FOXO1: variants seen among roughly 807,000 people sequenced by gnomAD.
FOXO1 encodes forkhead box protein O1.
A neutral mutation model predicts 44.1 loss-of-function variants in FOXO1; 6 were observed. The observed-to-expected ratio is 0.14, with a 90% CI of 0.07 to 0.27. FOXO1 has a LOEUF of 0.27. FOXO1 is among the 10% of genes least tolerant of loss of function. The pLI is 1.00. For missense variants in FOXO1, 737 were observed against 888.8 expected, an observed-to-expected ratio of 0.83 and a Z score of 2.17; for synonymous variants, 380 against 362.7, an observed-to-expected ratio of 1.05 and a Z score of -0.54.
chr13:40,642,981 G>A (rs1877398558), intron 1 of FOXO1, among the ~76,000 whole-genome samples: 2 of 152,174 alleles, frequency 1.3e-5, no homozygotes, highest in Non-Finnish European at 2.9e-5. Context: ...AGGAGAGCCT[G>A]AAAACCACAA....
At chr13:40,644,116 T>A (rs1005160373) in intron 1 of FOXO1, among the ~76,000 whole-genome samples, 1 of 152,232 alleles carries the variant, frequency 6.6e-6, no homozygotes, top group Non-Finnish European at 1.5e-5. Context: ...ACTGTAGTGA[T>A]CTAAAGACAT....
At chr13:40,604,500 T>C (rs984470671) in intron 1 of FOXO1, among the ~76,000 whole-genome samples, 1 of 152,160 alleles carries the variant, frequency 6.6e-6, no homozygotes, top group Non-Finnish European at 1.5e-5. Context: ...TGGATTCATA[T>C]GCATTCAGCC....
At chr13:40,628,790 C>T (rs1378514072) in intron 1 of FOXO1, among the ~76,000 whole-genome samples, 1 of 152,184 alleles carries the variant, frequency 6.6e-6, no homozygotes, top group Admixed American at 6.5e-5. Context: ...CATCCAAAGC[C>T]CTGCAGGCTC....
intron 1 of FOXO1, among the ~76,000 whole-genome samples, chr13:40,580,941 C>T (rs1428958790): frequency 6.6e-6 from 1 of 152,204 alleles, no homozygotes; most frequent in Non-Finnish European, 1.5e-5. Context: ...TAGCCTTCGC[C>T]TACACACTTA....
At chr13:40,565,689 T>C (rs1448325364) in intron 1 of FOXO1, among the ~76,000 whole-genome samples, 3 of 152,206 alleles carry the variant, frequency 2.0e-5, no homozygotes, top group African/African-American at 7.2e-5. Context: ...TAGTATTTCC[T>C]ACATTTACAA....
intron 2 of FOXO1, 90 bp downstream of exon 2, chr13:40,559,419 T>A: frequency 8.4e-7 from 1 of 1,190,766 alleles, no homozygotes; most frequent in Non-Finnish European, 1.2e-6. Flanking sequence ...TCAGTTGACA[T>A]CAAAGATGTG....
At position 40,559,891 on chromosome 13, in the gene FOXO1, C is replaced by T; in HGVS notation, c.1600G>A (p.Val534Ile). ...GTGTGGGGCAGGGGACGCCCGTTAA[C>T]TGCAGATGTCTGCTGAGCATGTCCA... ...HPGHAQQTSA[V>I]NGRPLPHTVS... is the part of the protein sequence containing the mutation. The change falls in exon 2 of 3, where the codon GTT becomes ATT. Residue 534 changes from valine to isoleucine, a missense_variant. Physicochemically the swap from Val to Ile is conservative, Grantham distance 29. Coordinates refer to ENST00000379561, the MANE Select transcript of FOXO1 (RefSeq NM_002015.4). The T allele has an allele frequency of 6.2e-7, 1 of 1,614,210 alleles. No homozygotes were observed. Among genetic ancestry groups the T allele is most frequent in the Non-Finnish European group, 8.5e-7 (1 of 1,180,044 alleles).
intron 1 of FOXO1, among the ~76,000 whole-genome samples, chr13:40,654,322 T>TAAAAAAAAAAAAAA (rs11344939): frequency 1.5e-4 from 7 of 48,194 alleles, no homozygotes; most frequent in African/African-American, 4.0e-4. Context: ...CTAAAAATAC[T>TAAAAAAAAAAAAAA]AAAAAAAAAA....
Position 40,560,226 on chromosome 13 carries a change from T to C in FOXO1, c.1265A>G (p.Gln422Arg), listed in dbSNP as rs1177296849. ...TSLNSPSPNY[Q>R]KYTYGQSSMS... ...GCTGGATTGGCCATATGTATATTTT[T>C]GGTAGTTTGGGCTGGGTGAATTCAA... Residue 422 changes from glutamine to arginine, a missense_variant, in exon 2 of 3, where the codon CAA becomes CGA. Around this residue, in one of 7 missense-constraint regions of FOXO1, gnomAD observed 283 missense variants for 278.1 expected, o/e 1.02. Coordinates refer to ENST00000379561, the MANE Select transcript of FOXO1 (RefSeq NM_002015.4). This position sits in a 1 kb window ranked among gnomAD's most constrained non-coding sequence, Gnocchi z 5.1. 1 of 1,614,066 alleles carries C rather than the reference T, an allele frequency of 6.2e-7. No homozygotes were observed.
chr13:40,594,808 TC>T (rs1875516554), intron 1 of FOXO1, among the ~76,000 whole-genome samples: 1 of 152,126 alleles, frequency 6.6e-6, no homozygotes, highest in African/African-American at 2.4e-5. Context: ...TGCCTCAGCC[TC>T]CCAAGTAGCT....
intron 1 of FOXO1, among the ~76,000 whole-genome samples, chr13:40,578,077 T>C (rs576322418): frequency 2.4e-4 from 36 of 152,142 alleles, no homozygotes; most frequent in African/African-American, 8.0e-4. Context: ...CTTCCCTCAA[T>C]TGCCATCTAG....
intron 1 of FOXO1, among the ~76,000 whole-genome samples, chr13:40,567,748 T>C (rs1297751197): frequency 6.6e-6 from 1 of 152,022 alleles, no homozygotes; most frequent in Admixed American, 6.6e-5. Context: ...GGAGGGCAGA[T>C]CACAAGATCA....
intron 1 of FOXO1, among the ~76,000 whole-genome samples, chr13:40,618,170 C>T (rs961890114): frequency 6.6e-6 from 1 of 152,188 alleles, no homozygotes; most frequent in African/African-American, 2.4e-5. Flanking sequence ...CCCCGCCTCC[C>T]AGGCTCAAGT....
chr13:40,580,557 A>G (rs1202554869), intron 1 of FOXO1, among the ~76,000 whole-genome samples: 1 of 152,164 alleles, frequency 6.6e-6, no homozygotes, highest in African/African-American at 2.4e-5. Flanking sequence ...GCATTTTTGT[A>G]AGGACTAAAA....
At chr13:40,584,326 T>A (rs1464214115) in intron 1 of FOXO1, among the ~76,000 whole-genome samples, 1 of 151,662 alleles carries the variant, frequency 6.6e-6, no homozygotes, top group Admixed American at 6.6e-5. Context: ...GTACCTGAAA[T>A]GTAAATATTA....
At chr13:40,605,727 C>T (rs1875971700) in intron 1 of FOXO1, among the ~76,000 whole-genome samples, 1 of 152,194 alleles carries the variant, frequency 6.6e-6, no homozygotes, top group Admixed American at 6.5e-5. Context: ...CAAGGTACTC[C>T]CTTTTCCACC....
chr13:40,659,286 G>T (rs1877957542), intron 1 of FOXO1, among the ~76,000 whole-genome samples: 1 of 143,268 alleles, frequency 7.0e-6, no homozygotes, highest in Non-Finnish European at 1.5e-5. Context: ...CTGCACTCCA[G>T]CCTGGGTGAC....
In FOXO1 at chr13:40,628,532, G is replaced by A. The variant is rs78601796; in HGVS notation, c.630+37051C>T. 9.9e-4 allele frequency among the ~76,000 whole-genome samples: 151 copies of A among 152,000 alleles called. 4 individuals are homozygous for A. The East Asian group carries it at 0.019, about 19-fold the overall frequency. ...AGAACTCACCATGCTACCTGAGTCC[G>A]TCCTCTTCAGCTTTTTTGTTCACGC... is the stretch of plus-strand genomic sequence containing the variant. On this transcript the variant is annotated intron_variant, in intron 1 of 2. Transcript: ENST00000379561.
chr13:40,573,411 G>A (rs1437479928), intron 1 of FOXO1, among the ~76,000 whole-genome samples: 1 of 152,142 alleles, frequency 6.6e-6, no homozygotes, highest in Non-Finnish European at 1.5e-5. Flanking sequence ...AGTCTGCCCT[G>A]GAACCACATT....
Sources: gnomAD v4.1 joint callset for allele counts (sites outside exome capture counted in the v4.1 genomes callset) on GRCh38, gnomAD v4.1.1 for gene constraint, gnomAD v4.1.1 regional missense constraint, Gnocchi (gnomAD v3.1) non-coding constraint, MANE v1.5 for transcripts, NCBI Gene and HGNC (gene_info 2026-07-23, HGNC 2026-07-21) for gene names.